MRTFA: variants seen among roughly 807,000 people sequenced by gnomAD.
MRTFA encodes the protein myocardin related transcription factor A.
A neutral mutation model predicts 83.5 loss-of-function variants in MRTFA; 20 were observed. The ratio of observed to expected loss-of-function variants is 0.24; its 90% CI spans 0.17 to 0.35. The LOEUF is 0.35. MRTFA is among the 10% of genes least tolerant of loss of function. The pLI is 1.00. For missense variants in MRTFA, 1,200 were observed against 1,224.7 expected (o/e 0.98, Z 0.30); for synonymous variants, 659 against 541.2 (o/e 1.22, Z -3.02).
chr22:40,469,279 T>C (rs991171313), intron 3 of MRTFA, among the ~76,000 whole-genome samples: 1 of 152,176 alleles, frequency 6.6e-6, no homozygotes, highest in Non-Finnish European at 1.5e-5. Context: ...TGGCGGCAGA[T>C]GTCCTGGGAG....
At chr22:40,457,145 A>G (rs1293243751) in intron 4 of MRTFA, among the ~76,000 whole-genome samples, 1 of 152,128 alleles carries the variant, frequency 6.6e-6, no homozygotes, top group Non-Finnish European at 1.5e-5. Flanking sequence ...TGGGCAGATC[A>G]CCTGAGGTCA....
At chr22:40,609,692 C>T (rs2056362522) in intron 1 of MRTFA, among the ~76,000 whole-genome samples, 1 of 151,574 alleles carries the variant, frequency 6.6e-6, no homozygotes, top group Non-Finnish European at 1.5e-5. Flanking sequence ...ATTAGCCAGG[C>T]ATGGTGGAGG....
intron 1 of MRTFA, among the ~76,000 whole-genome samples, chr22:40,616,683 G>A (rs910243446): frequency 1.3e-5 from 2 of 152,124 alleles, no homozygotes; most frequent in African/African-American, 4.8e-5. Context: ...ACAGAAATGG[G>A]GAACGTTGGA....
chr22:40,494,449 T>G (rs2054317887), intron 3 of MRTFA, among the ~76,000 whole-genome samples: 1 of 151,948 alleles, frequency 6.6e-6, no homozygotes, highest in South Asian at 2.1e-4. Flanking sequence ...GAGGCCAAGG[T>G]AGGAGGATCA....
At chr22:40,428,768 C>T (rs576536910) in intron 7 of MRTFA, among the ~76,000 whole-genome samples, 42 of 152,126 alleles carry the variant, frequency 2.8e-4, no homozygotes, top group African/African-American at 8.9e-4. Context: ...GTGATCCTCC[C>T]GCCTCAGACT....
chr22:40,571,075 GGT>G (rs2055785628), intron 2 of MRTFA, among the ~76,000 whole-genome samples: 1 of 149,356 alleles, frequency 6.7e-6, no homozygotes. Flanking sequence ...TGGGCATGGT[GGT>G]GTGCGCCTGT....
intron 12 of MRTFA, chr22:40,417,743 C>T (rs2052716614): frequency 4.0e-6 from 2 of 497,604 alleles, no homozygotes; most frequent in Non-Finnish European, 7.1e-6. Flanking sequence ...CTGGGCTGGT[C>T]ACCCCCTGAG....
chr22:40,502,051 C>T (rs1381292183), intron 3 of MRTFA, among the ~76,000 whole-genome samples: 2 of 138,542 alleles, frequency 1.4e-5, no homozygotes, highest in African/African-American at 2.7e-5. Flanking sequence ...CACCTCCCTC[C>T]CGGACGGGGT....
intron 3 of MRTFA, among the ~76,000 whole-genome samples, chr22:40,475,058 A>G (rs1419284685): frequency 6.6e-6 from 1 of 151,460 alleles, no homozygotes; most frequent in Non-Finnish European, 1.5e-5. Context: ...AGGCTGGTCT[A>G]GAACTCCTGA....
At chr22:40,577,609 A>ATTT (rs71199293) in intron 2 of MRTFA, among the ~76,000 whole-genome samples, 1 of 129,846 alleles carries the variant, frequency 7.7e-6, no homozygotes, top group Non-Finnish European at 1.7e-5. Flanking sequence ...TCTACATCTG[A>ATTT]TTTTTTTTTT....
At chr22:40,466,967 A>ATG (rs140238806) in intron 3 of MRTFA, among the ~76,000 whole-genome samples, 61,329 of 124,082 alleles carry the variant, frequency 0.49, 13,803 homozygotes, top group South Asian at 0.64. Context: ...TATATTATGC[A>ATG]TGTATATATA....
chr22:40,437,785 A>C (rs996761054), intron 4 of MRTFA, among the ~76,000 whole-genome samples: 1 of 151,660 alleles, frequency 6.6e-6, no homozygotes. Flanking sequence ...AAAAGGCGGA[A>C]TACTACATAC....
intron 9 of MRTFA, among the ~76,000 whole-genome samples, chr22:40,423,031 C>G (rs1206712299): frequency 6.6e-6 from 1 of 152,168 alleles, no homozygotes; most frequent in African/African-American, 2.4e-5. Flanking sequence ...CTTGGTGCAG[C>G]TGAATTTAAC....
chr22:40,451,989 T>G (rs867561775), intron 4 of MRTFA, among the ~76,000 whole-genome samples: 27 of 120,222 alleles, frequency 2.2e-4, no homozygotes, highest in African/African-American at 7.6e-4. Context: ...TTTTTTTTTT[T>G]TTTTTTTTTT....
At chr22:40,567,682 A>G (rs900194187) in intron 2 of MRTFA, among the ~76,000 whole-genome samples, 1 of 152,050 alleles carries the variant, frequency 6.6e-6, no homozygotes. Context: ...TGAATAATAT[A>G]AAAAAAACTA....
rs1263587691 is a variant in MRTFA at position 40,417,353 on chromosome 22, C to T, written c.2505G>A (p.Gln835=). 8.7e-6 allele frequency: 14 copies of T among 1,611,358 alleles called. No individual in the cohort carries two copies. Among genetic ancestry groups the T allele is most frequent in the Non-Finnish European group, 1.2e-5 (14 of 1,179,728 alleles). Residue 835 remains glutamine, a synonymous_variant, in exon 13 of 15, where the codon CAG becomes CAA. Coordinates refer to ENST00000355630, the MANE Select transcript of MRTFA (RefSeq NM_020831.6). ...CCGCCTTCCTCACCTGCTGTTTGGG[C>T]TGCTGGCTCATGGCTTCCTCATAGC...
At chr22:40,430,860 CAA>C (rs1171650702) in intron 6 of MRTFA, among the ~76,000 whole-genome samples, 3 of 35,108 alleles carry the variant, frequency 8.5e-5, no homozygotes, top group Admixed American at 3.6e-4. Flanking sequence ...GACTCCATCA[CAA>C]AAAAAAAAAA....
rs181277451 is a variant in MRTFA, at chr22:40,577,710, G to A, written c.-22+16964C>T. The stretch of plus-strand genomic sequence containing the variant: ...AACCTCTGCCTCCCAAGGTTCAAGC[G>A]ACTCTCCTGCCTCAGCCTCCCGAGT... On this transcript the variant is annotated intron_variant, in intron 2 of 14. Transcript: ENST00000355630. Among the ~76,000 whole-genome samples the A allele has an allele frequency of 1.1e-3, 162 of 150,760 alleles. 1 individual carries two copies. Among genetic ancestry groups the A allele is most frequent in the Non-Finnish European group, 2.0e-3 (137 of 67,840 alleles).
At chr22:40,475,804 A>G (rs1043765281) in intron 3 of MRTFA, among the ~76,000 whole-genome samples, 3 of 152,234 alleles carry the variant, frequency 2.0e-5, no homozygotes, top group African/African-American at 7.2e-5. Flanking sequence ...GTCAGAGAAA[A>G]AGAGAAACAA....
Sources: allele counts gnomAD v4.1 joint callset (sites outside exome capture counted in the v4.1 genomes callset), GRCh38; gene constraint gnomAD v4.1.1; transcripts MANE v1.5; gene names NCBI Gene and HGNC (gene_info 2026-07-23, HGNC 2026-07-21).